Variants in DRC10 observed in about 807,000 individuals in gnomAD.
DRC10 encodes dynein regulatory complex subunit 10.
the DRC10 span, among the ~76,000 whole-genome samples, chr12:113,202,352 T>C: frequency 3.3e-5 from 5 of 151,148 alleles, no homozygotes; most frequent in Non-Finnish European, 7.4e-5. Flanking sequence ...AAAGGACAAA[T>C]TCAGTGAGAA....
At chr12:113,216,904 C>A in the DRC10 span, among the ~76,000 whole-genome samples, 1 of 152,064 alleles carries the variant, frequency 6.6e-6, no homozygotes, top group Admixed American at 6.6e-5. Context: ...GCCTGGCTAT[C>A]ATGGTGAAAC....
the DRC10 span, chr12:113,195,510 C>T: frequency 6.7e-7 from 1 of 1,497,656 alleles, no homozygotes; most frequent in Non-Finnish European, 8.9e-7. Flanking sequence ...TAGTGCTCTC[C>T]ATCTCGGGCC....
At chr12:113,209,476 C>T in the DRC10 span, among the ~76,000 whole-genome samples, 20 of 152,284 alleles carry the variant, frequency 1.3e-4, no homozygotes, top group East Asian at 9.7e-4. Context: ...ACTCCAGCCT[C>T]GACCTACTGG....
At chr12:113,218,034 C>T in the DRC10 span, among the ~76,000 whole-genome samples, 2 of 152,158 alleles carry the variant, frequency 1.3e-5, no homozygotes, top group African/African-American at 4.8e-5. Flanking sequence ...TAGGTAGAGG[C>T]TCGTAATATT....
chr12:113,207,782 C>G, the DRC10 span: 12 of 1,614,152 alleles, frequency 7.4e-6, no homozygotes, highest in African/African-American at 5.3e-5. Flanking sequence ...AGGAGGCGGT[C>G]TCTGAGCCAC....
At chr12:113,205,932 A>G in the DRC10 span, among the ~76,000 whole-genome samples, 1 of 135,800 alleles carries the variant, frequency 7.4e-6, no homozygotes, top group East Asian at 2.4e-4. Flanking sequence ...AAAGAAATCA[A>G]TAGGCCGGGC....
the DRC10 span, among the ~76,000 whole-genome samples, chr12:113,212,075 T>TC: frequency 2.7e-5 from 4 of 150,798 alleles, no homozygotes; most frequent in Non-Finnish European, 5.9e-5. Context: ...TCCTCTTTTT[T>TC]TTTTTTTTTT....
chr12:113,205,844 G>A, the DRC10 span, among the ~76,000 whole-genome samples: 1 of 144,700 alleles, frequency 6.9e-6, no homozygotes, highest in Non-Finnish European at 1.5e-5. Context: ...AGCCGAGATT[G>A]CGCCACTGCA....
At chr12:113,207,157 G>A in the DRC10 span, 2 of 439,286 alleles carry the variant, frequency 4.6e-6, no homozygotes, top group South Asian at 4.1e-5. Flanking sequence ...AGACCAGCCT[G>A]GCCAACATGG....
the DRC10 span, among the ~76,000 whole-genome samples, chr12:113,220,387 T>C: frequency 6.6e-6 from 1 of 151,982 alleles, no homozygotes; most frequent in Non-Finnish European, 1.5e-5. Flanking sequence ...TCCCGAGTAG[T>C]TGGGATTACA....
the DRC10 span, among the ~76,000 whole-genome samples, chr12:113,219,679 A>C: frequency 2.0e-5 from 3 of 150,978 alleles, no homozygotes; most frequent in East Asian, 5.9e-4. Flanking sequence ...TTTTTTTTAT[A>C]TATTTTTTTG....
the DRC10 span, chr12:113,207,908 C>T: frequency 5.0e-6 from 8 of 1,614,062 alleles, no homozygotes; most frequent in East Asian, 4.5e-5. Context: ...GCCCTCATGA[C>T]GTCCTCCCCC....
At chr12:113,213,387 C>G in the DRC10 span, among the ~76,000 whole-genome samples, 3 of 152,138 alleles carry the variant, frequency 2.0e-5, no homozygotes, top group African/African-American at 7.2e-5. Context: ...GTTTTTCCAT[C>G]CTCATCCGGA....
chr12:113,200,882 T>A, the DRC10 span: 1 of 1,214,922 alleles, frequency 8.2e-7, no homozygotes. Flanking sequence ...CTCACGCCTG[T>A]AATCCCAACA....
the DRC10 span, among the ~76,000 whole-genome samples, chr12:113,201,104 G>A: frequency 6.6e-6 from 1 of 151,984 alleles, no homozygotes; most frequent in Non-Finnish European, 1.5e-5. Context: ...TCATACCACT[G>A]CACTTTTACT....
At chr12:113,199,015 G>A in the DRC10 span, among the ~76,000 whole-genome samples, 29 of 151,714 alleles carry the variant, frequency 1.9e-4, no homozygotes, top group African/African-American at 5.6e-4. Flanking sequence ...TCGGTTCACC[G>A]CAACCCCCGC....
chr12:113,200,536 C>A, the DRC10 span: 74 of 1,253,332 alleles, frequency 5.9e-5, 2 homozygotes, highest in East Asian at 1.1e-4. Context: ...CCATCCCCCC[C>A]ACCAGGGGCC....
the DRC10 span, among the ~76,000 whole-genome samples, chr12:113,201,475 C>T: frequency 6.6e-6 from 1 of 152,156 alleles, no homozygotes; most frequent in Non-Finnish European, 1.5e-5. Context: ...GGGACAGCGG[C>T]GATGCTCCTC....
chr12:113,208,027 A>G, the DRC10 span: 60 of 1,614,046 alleles, frequency 3.7e-5, no homozygotes, highest in Admixed American at 5.0e-5. Flanking sequence ...TTTGGCCTCA[A>G]TGGTGGTGAG....
Sources: allele counts gnomAD v4.1 joint callset (sites outside exome capture counted in the v4.1 genomes callset), GRCh38; gene constraint gnomAD v4.1.1; transcripts MANE v1.5; gene names NCBI Gene and HGNC (gene_info 2026-07-23, HGNC 2026-07-21).